The following SNED1 variants were observed in gnomAD, a reference collection of about 807,000 sequenced individuals.
SNED1 encodes the protein sushi, nidogen and EGF-like domain-containing protein 1.
Under a neutral mutation model 166.7 loss-of-function variants are expected in SNED1, and 81 were observed. The observed-to-expected ratio is 0.49, with a 90% CI of 0.41 to 0.58. The LOEUF is 0.58. SNED1 is among the 20% of genes least tolerant of loss of function. SNED1 has a pLI of 0.00. For missense variants in SNED1, 1,604 were observed against 2,000.2 expected, an observed-to-expected ratio of 0.80 and a Z score of 3.78; for synonymous variants, 762 against 822.0, an observed-to-expected ratio of 0.93 and a Z score of 1.25.
In SNED1 at chr2:241,033,386, C is replaced by T. The variant is rs2061247161; in HGVS notation, c.502-349C>T. On this transcript the variant is annotated intron_variant, in intron 2 of 31. Coordinates refer to ENST00000310397, the MANE Select transcript of SNED1 (RefSeq NM_001080437.3). ...TGCTTCTTTTTACCTTTCCTCTTTT[C>T]CTTTTTGCAATTTTGCTCATTTCAC... The T allele has an allele frequency of 1.4e-5, 3 of 208,330 alleles. No homozygotes were observed. In the South Asian group the frequency reaches 3.8e-4, roughly 26 times the overall value. 12.9% of individuals were successfully genotyped at this position (208,330 alleles called of 1,614,324 possible). A position where few individuals can be genotyped will look rare whatever the true frequency, so the allele number is the denominator to read the frequency against.
rs562920265 is a variant in SNED1, at chr2:241,043,302, A to G, written c.1273+2889A>G. ...CCACATTACATACAGCGAAACAAGA[A>G]TGAAACAGACTTCTCGTCAAAAACA... On this transcript the variant is annotated intron_variant, in intron 8 of 31. Coordinates refer to ENST00000310397, the MANE Select transcript of SNED1 (RefSeq NM_001080437.3). Among the ~76,000 whole-genome samples, 3 of 152,352 alleles carry G rather than the reference A, an allele frequency of 2.0e-5. No individual in the cohort carries two copies. In the East Asian group the frequency reaches 5.8e-4, roughly 29 times the overall value.
In SNED1 at chr2:241,089,380, G is replaced by A. The variant is rs113863829; in HGVS notation, c.*1+978G>A. On this transcript the variant is annotated intron_variant, in intron 31 of 31. Coordinates refer to ENST00000310397, the MANE Select transcript of SNED1 (RefSeq NM_001080437.3). ...TTGTTACGTGCCTAAAAAAATAAAG[G>A]AGAAATGTCATTCAGGAACCTTTAA... The A allele has an allele frequency of 2.8e-5, 43 of 1,550,560 alleles. 1 individual carries two copies. In the African/African-American group the frequency reaches 3.1e-4, roughly 11 times the overall value.
chr2:241,032,722 T>G (rs1037176187), intron 2 of SNED1, among the ~76,000 whole-genome samples: 4 of 152,232 alleles, frequency 2.6e-5, no homozygotes, highest in African/African-American at 9.6e-5. Context: ...GACAAAACAA[T>G]GAGTGCTACT....
rs192937847 is a variant in SNED1 at position 241,068,484 on chromosome 2, G to A, written c.3195-427G>A. On this transcript the variant is annotated intron_variant, in intron 22 of 31. Transcript: ENST00000310397. This position sits in a 1 kb window ranked among gnomAD's most constrained non-coding sequence, Gnocchi z 5.3. ...GGTGCAGGAAAAGATCGGAGAGCGA[G>A]TGGGAAGGAAGACTCCAGCCAGCAG... is the stretch of plus-strand genomic sequence containing the variant. 2.3e-4 allele frequency among the ~76,000 whole-genome samples: 35 copies of A among 152,230 alleles called. No homozygotes were observed. Among genetic ancestry groups the A allele is most frequent in the Admixed American group, 2.0e-3 (31 of 15,298 alleles).
At position 241,037,230 on chromosome 2, in the gene SNED1, C is replaced by T. The variant is rs1434266054; in HGVS notation, c.932-10C>T. ...CCGCCGCTGAGGCCTCAGCCTGCCC[C>T]ATGTTTCAGACGTGAACGAATGTGC... On this transcript the variant is annotated splice_polypyrimidine_tract_variant and intron_variant, in intron 5 of 31. Transcript: ENST00000310397. 1 of 1,600,260 alleles carries T rather than the reference C, an allele frequency of 6.2e-7. No homozygotes were observed. Among genetic ancestry groups the T allele is most frequent in the Admixed American group, 1.7e-5 (1 of 58,750 alleles).
In SNED1 at chr2:241,073,400, A is replaced by G. The variant is rs775240473; in HGVS notation, c.3916+36A>G. The G allele has an allele frequency of 3.3e-6, 5 of 1,507,436 alleles. No homozygotes were observed. In the South Asian group the frequency reaches 6.0e-5, roughly 18 times the overall value. 93.4% of individuals were successfully genotyped at this position (1,507,436 alleles called of 1,614,324 possible). ...AGCGCTGGTGGGGACTTTGGGACTG[A>G]CTGACTGCTCTCAGGGGCCTTAGAG... On this transcript the variant is annotated intron_variant, in intron 27 of 31. Coordinates refer to ENST00000310397, the MANE Select transcript of SNED1 (RefSeq NM_001080437.3). This position sits in a 1 kb window ranked among gnomAD's most constrained non-coding sequence, Gnocchi z 6.6.
At chr2:241,012,996 C>G (rs548381086) in intron 1 of SNED1, among the ~76,000 whole-genome samples, 3 of 151,882 alleles carry the variant, frequency 2.0e-5, no homozygotes, top group African/African-American at 7.3e-5. Context: ...CCACCACGCC[C>G]GCTAATTTTT....
rs55760994 is a variant in SNED1, at chr2:241,094,651, G to A, written c.*3015G>A. 3.0e-6 allele frequency: 1 copy of A among 329,006 alleles called. No homozygotes were observed. Among genetic ancestry groups the A allele is most frequent in the African/African-American group, 2.2e-5 (1 of 45,550 alleles). 20.4% of individuals were successfully genotyped at this position (329,006 alleles called of 1,614,324 possible). ...CATTACTGTTGTGGACCAGGCCTTA[G>A]ATGAGTTTCTCAGGCTCAGCACTGA... On this transcript the variant is annotated 3_prime_UTR_variant, in exon 32 of 32. Coordinates refer to ENST00000310397, the MANE Select transcript of SNED1 (RefSeq NM_001080437.3). This position sits in a 1 kb window ranked among gnomAD's most constrained non-coding sequence, Gnocchi z 4.3.
chr2:241,019,153 A>G (rs887310644), intron 1 of SNED1, among the ~76,000 whole-genome samples: 7 of 150,534 alleles, frequency 4.7e-5, no homozygotes, highest in African/African-American at 1.7e-4. Context: ...CCAGGAGCAC[A>G]TGCCCATGGT....
At chr2:241,058,648 T>C (rs149460050) in intron 16 of SNED1, among the ~76,000 whole-genome samples, 42 of 152,304 alleles carry the variant, frequency 2.8e-4, no homozygotes, top group African/African-American at 8.9e-4. Flanking sequence ...AGCTATTTCC[T>C]TGAAAAGATC....
chr2:241,071,776 C>T lies in SNED1; in HGVS notation c.3735-20C>T. The T allele has an allele frequency of 6.4e-7, 1 of 1,567,540 alleles. No homozygotes were observed. Among genetic ancestry groups the T allele is most frequent in the Non-Finnish European group, 8.6e-7 (1 of 1,156,294 alleles). On this transcript the variant is annotated intron_variant, in intron 25 of 31. Coordinates refer to ENST00000310397, the MANE Select transcript of SNED1 (RefSeq NM_001080437.3). ...CGAGGCGGCGCTCGGACTGTGGTGACCCTCCCACCCTCTCTGCAGGTTCTC... is the reference window on the plus strand; with the variant it reads ...CGAGGCGGCGCTCGGACTGTGGTGATCCTCCCACCCTCTCTGCAGGTTCTC...
Position 241,064,042 on chromosome 2 carries a change from A to G in SNED1, c.2516A>G (p.Gln839Arg), listed in dbSNP as rs926244182. 6.4e-7 allele frequency: 1 copy of G among 1,557,356 alleles called. No homozygotes were observed. The highest frequency in any genetic ancestry group is 8.7e-7 in the Non-Finnish European group (1 of 1,152,982). Residue 839 changes from glutamine to arginine, a missense_variant, in exon 19 of 32, where the codon CAG becomes CGG. Gln to Arg is a conservative substitution (Grantham distance 43). Transcript: ENST00000310397. This position sits in a 1 kb window ranked among gnomAD's most constrained non-coding sequence, Gnocchi z 7.0. ...GACGCCTGCGACTCCAGCCCCTGCC[A>G]GCATGGAGGCCGGTGTGAGAGCGGC... ...EVDACDSSPC[Q>R]HGGRCESGGG... is the part of the protein sequence containing the mutation.
chr2:241,049,847 G>A lies in SNED1; in HGVS notation c.1649G>A (p.Cys550Tyr), dbSNP rs2061775960. The A allele has an allele frequency of 6.2e-7, 1 of 1,613,710 alleles. No individual in the cohort carries two copies. The highest frequency in any genetic ancestry group is 1.7e-5 in the Admixed American group (1 of 60,002). Residue 550 changes from cysteine (C) to tyrosine (Y), a missense_variant, in exon 12 of 32, where the codon TGC becomes TAC. By Grantham distance (194) the Cys-to-Tyr change is radical. Around this residue, in one of 2 missense-constraint regions of SNED1, gnomAD observed 1,237 missense variants for 1,620.8 expected, o/e 0.76. Coordinates refer to ENST00000310397, the MANE Select transcript of SNED1 (RefSeq NM_001080437.3). ...CCATCACCCTGCGACTCGGACCCCT[G>A]CTTCAACGGAGGCTCCTGCGATGCC... ...SLPSPCDSDP[C>Y]FNGGSCDAHD...
At position 241,046,960 on chromosome 2, in the gene SNED1, G is replaced by C. The variant is rs10200651; in HGVS notation, c.1274-1355G>C. Among the ~76,000 whole-genome samples, 6 of 151,826 alleles carry C rather than the reference G, an allele frequency of 4.0e-5. No individual in the cohort carries two copies. The East Asian group carries it at 1.2e-3, about 30-fold the overall frequency. ...GAGATCAAGACCATCCTGGCCAACAGAGTGAAACCCCATCTCTACTAAAAA... is the reference window on the plus strand; with the variant it reads ...GAGATCAAGACCATCCTGGCCAACACAGTGAAACCCCATCTCTACTAAAAA... On this transcript the variant is annotated intron_variant, in intron 8 of 31. Coordinates refer to ENST00000310397, the MANE Select transcript of SNED1 (RefSeq NM_001080437.3).
Position 241,053,076 on chromosome 2 carries a change from G to A in SNED1, c.2084-77G>A, listed in dbSNP as rs1452425672. The stretch of plus-strand genomic sequence containing the variant: ...AGGACATCCCTGGGCCCTGCAGTCG[G>A]GTCGGGCAGAGGCAGGGCGGTGGGG... On this transcript the variant is annotated intron_variant, in intron 15 of 31. Coordinates refer to ENST00000310397, the MANE Select transcript of SNED1 (RefSeq NM_001080437.3). The A allele has an allele frequency of 3.5e-6, 5 of 1,414,996 alleles. No homozygotes were observed. The East Asian group carries it at 1.2e-4, about 35-fold the overall frequency. The allele number at this position is 1,414,996 out of a possible 1,614,324, so 87.7% of individuals were successfully genotyped here.
At position 241,088,184 on chromosome 2, in the gene SNED1, C is replaced by T. The variant is rs2063681819; in HGVS notation, c.4206-181C>T. 8 of 592,492 alleles carry T rather than the reference C, an allele frequency of 1.4e-5. No homozygotes were observed. The Admixed American group carries it at 1.8e-4, about 13-fold the overall frequency. The allele number at this position is 592,492 out of a possible 1,614,324, so 36.7% of individuals were successfully genotyped here. ...TCCTAAACTACTGCCTCAAGCCAGGCGGGCGCACACAAACTAAAATGCTAA... is the reference window on the plus strand; with the variant it reads ...TCCTAAACTACTGCCTCAAGCCAGGTGGGCGCACACAAACTAAAATGCTAA... On this transcript the variant is annotated intron_variant, in intron 30 of 31. Coordinates refer to ENST00000310397, the MANE Select transcript of SNED1 (RefSeq NM_001080437.3).
intron 27 of SNED1, among the ~76,000 whole-genome samples, chr2:241,077,873 G>T (rs1384620143): frequency 6.6e-6 from 1 of 152,160 alleles, no homozygotes; most frequent in Non-Finnish European, 1.5e-5. Context: ...TACGCTGCTG[G>T]TGGGACTGTA....
chr2:241,014,336 G>T (rs2060507208), intron 1 of SNED1, among the ~76,000 whole-genome samples: 1 of 152,130 alleles, frequency 6.6e-6, no homozygotes, highest in Non-Finnish European at 1.5e-5. Flanking sequence ...ACTCTTGAAG[G>T]CATGTCCCAG....
At chr2:241,049,270 CCT>C (rs1471914066) in intron 11 of SNED1, 135 bp downstream of exon 11, 4 of 655,714 alleles carry the variant, frequency 6.1e-6, no homozygotes, top group Non-Finnish European at 1.1e-5. Context: ...CCTGGGGAAG[CCT>C]CTCTCAATAG....
Sources: gnomAD v4.1 joint callset for allele counts (sites outside exome capture counted in the v4.1 genomes callset) on GRCh38, gnomAD v4.1.1 for gene constraint, gnomAD v4.1.1 regional missense constraint, Gnocchi (gnomAD v3.1) non-coding constraint, MANE v1.5 for transcripts, NCBI Gene and HGNC (gene_info 2026-07-23, HGNC 2026-07-21) for gene names.